Variants in RAI2 observed in about 807,000 individuals in gnomAD.
RAI2 encodes the protein retinoic acid-induced protein 2.
Under a neutral mutation model 15.3 loss-of-function variants are expected in RAI2, and 5 were observed. The ratio of observed to expected loss-of-function variants is 0.33; its 90% CI spans 0.17 to 0.69. The LOEUF is 0.69. Ranked by LOEUF, RAI2 falls within the 30% of genes least tolerant of loss-of-function variation. The pLI is 0.69. For synonymous variants in RAI2, 191 were observed against 184.0 expected (o/e 1.04, Z -0.31); for missense variants, 424 against 424.7 (o/e 1.00, Z 0.01).
chrX:17,821,400 G>A (rs2067163075), intron 1 of RAI2, among the ~76,000 whole-genome samples: 1 of 110,977 alleles, frequency 9.0e-6, no homozygotes, highest in Non-Finnish European at 1.9e-5. Context: ...AGTGGACTGA[G>A]AGTGACAGGG....
chrX:17,859,468 G>A (rs1458123279), intron 1 of RAI2, among the ~76,000 whole-genome samples: 3 of 112,175 alleles, frequency 2.7e-5, no homozygotes, highest in Middle Eastern at 4.6e-3. Flanking sequence ...CACACCAGAG[G>A]ATGCGAGATA....
intron 1 of RAI2, among the ~76,000 whole-genome samples, chrX:17,838,495 G>A (rs2067360556): frequency 9.0e-6 from 1 of 111,670 alleles, no homozygotes. Flanking sequence ...TCCTTAGGGA[G>A]AAAATGTTTG....
At chrX:17,835,217 G>A (rs1383711810) in intron 1 of RAI2, among the ~76,000 whole-genome samples, 1 of 112,248 alleles carries the variant, frequency 8.9e-6, no homozygotes, top group Non-Finnish European at 1.9e-5. Flanking sequence ...ACTTTTACCA[G>A]ACAGTGGATG....
intron 1 of RAI2, among the ~76,000 whole-genome samples, chrX:17,818,993 A>C (rs1412715000): frequency 2.7e-5 from 3 of 111,862 alleles, no homozygotes; most frequent in African/African-American, 9.8e-5. Flanking sequence ...TCACAGTGTG[A>C]TTCAGAGTGT....
At chrX:17,826,818 C>T (rs1385839599) in intron 1 of RAI2, among the ~76,000 whole-genome samples, 1 of 111,475 alleles carries the variant, frequency 9.0e-6, no homozygotes, top group Non-Finnish European at 1.9e-5. Flanking sequence ...CTCTCTCTTT[C>T]CTGCCATGTA....
At chrX:17,834,470 T>C (rs2067313355) in intron 1 of RAI2, among the ~76,000 whole-genome samples, 2 of 110,836 alleles carry the variant, frequency 1.8e-5, no homozygotes, top group African/African-American at 6.6e-5. Flanking sequence ...GATTCGTTTT[T>C]TTTTTTAAAG....
At chrX:17,843,422 C>A (rs1424648269) in intron 1 of RAI2, among the ~76,000 whole-genome samples, 1 of 112,414 alleles carries the variant, frequency 8.9e-6, no homozygotes, top group Non-Finnish European at 1.9e-5. Context: ...AGCCATCCAA[C>A]CCTTCAGCAA....
At chrX:17,825,579 C>T (rs1217082849) in intron 1 of RAI2, among the ~76,000 whole-genome samples, 7 of 112,352 alleles carry the variant, frequency 6.2e-5, no homozygotes, top group Non-Finnish European at 1.1e-4. Flanking sequence ...TCATGAATGT[C>T]ACAGAGTTCC....
chrX:17,859,790 T>C (rs1308753823), intron 1 of RAI2, among the ~76,000 whole-genome samples: 1 of 111,517 alleles, frequency 9.0e-6, no homozygotes, highest in Non-Finnish European at 1.9e-5. Context: ...CTACCAACAG[T>C]TCCGGGAACA....
chrX:17,820,837 C>A (rs2067156554), intron 1 of RAI2, among the ~76,000 whole-genome samples: 1 of 110,651 alleles, frequency 9.0e-6, no homozygotes, highest in East Asian at 2.8e-4. Context: ...ATTGTCTATG[C>A]CAACCTCTCA....
intron 1 of RAI2, among the ~76,000 whole-genome samples, chrX:17,838,671 C>T (rs1004429270): frequency 9.1e-6 from 1 of 110,252 alleles, no homozygotes; most frequent in African/African-American, 3.3e-5. Flanking sequence ...CACACACACA[C>T]ACACACACAC....
At chrX:17,831,636 G>C (rs1388826448) in intron 1 of RAI2, among the ~76,000 whole-genome samples, 1 of 112,200 alleles carries the variant, frequency 8.9e-6, no homozygotes, top group Non-Finnish European at 1.9e-5. Flanking sequence ...TGAATTTATG[G>C]GCACGGACAA....
At chrX:17,829,298 A>C (rs797021199) in intron 1 of RAI2, among the ~76,000 whole-genome samples, 1 of 107,932 alleles carries the variant, frequency 9.3e-6, no homozygotes, top group South Asian at 4.2e-4. Context: ...AAAAAAAAAA[A>C]AGGTCTGTAA....
At chrX:17,848,050 T>C (rs1224907517) in intron 1 of RAI2, among the ~76,000 whole-genome samples, 1 of 112,130 alleles carries the variant, frequency 8.9e-6, no homozygotes, top group Non-Finnish European at 1.9e-5. Context: ...CTTAACTTCA[T>C]GCCTTTGGAG....
Position 17,801,919 on chromosome X carries a change from T to C in RAI2, c.92A>G (p.Gln31Arg). Residue 31 changes from glutamine (Q) to arginine (R), a missense_variant, in exon 2 of 2, where the codon CAG (glutamine) becomes CGG (arginine). Coordinates refer to ENST00000451717, the MANE Select transcript of RAI2 (RefSeq NM_021785.6). ...ANNRLENGMAQLITTEAWNIN... is the reference protein window; with the variant it reads ...ANNRLENGMARLITTEAWNIN... Reference sequence around the variant, plus strand: ...GTTCCAGGCCTCGGTGGTGATCAGCTGAGCCATGCCATTCTCCAGTCTGTT... The same window carrying C: ...GTTCCAGGCCTCGGTGGTGATCAGCCGAGCCATGCCATTCTCCAGTCTGTT... The C allele has an allele frequency of 8.3e-7, 1 of 1,211,257 alleles. No homozygotes were observed. The highest frequency in any genetic ancestry group is 1.1e-6 in the Non-Finnish European group (1 of 895,374).
intron 1 of RAI2, among the ~76,000 whole-genome samples, chrX:17,807,023 G>A (rs954141765): frequency 2.7e-5 from 3 of 111,407 alleles, no homozygotes; most frequent in Admixed American, 1.9e-4. Context: ...GGGATACAAA[G>A]CCAAACCATA....
intron 1 of RAI2, chrX:17,837,511 T>C (rs1295709100): frequency 8.9e-6 from 1 of 112,148 alleles, no homozygotes; most frequent in Non-Finnish European, 1.9e-5. Context: ...AAGCAGCCAG[T>C]GACCCTACCA....
chrX:17,851,830 A>C (rs2067539290), intron 1 of RAI2, among the ~76,000 whole-genome samples: 1 of 112,543 alleles, frequency 8.9e-6, no homozygotes. Context: ...CCCGATTTTC[A>C]AATCTGTTTC....
chrX:17,820,236 G>A (rs1197562851), intron 1 of RAI2, among the ~76,000 whole-genome samples: 5 of 112,691 alleles, frequency 4.4e-5, no homozygotes, highest in African/African-American at 1.6e-4. Context: ...TGGCTTGAGA[G>A]TGTGGGATAG....
Sources: allele counts gnomAD v4.1 joint callset (sites outside exome capture counted in the v4.1 genomes callset), GRCh38; gene constraint gnomAD v4.1.1; transcripts MANE v1.5; gene names NCBI Gene and HGNC (gene_info 2026-07-23, HGNC 2026-07-21).